RSRC1: variants seen among roughly 807,000 people sequenced by gnomAD.
RSRC1 encodes the protein arginine and serine rich coiled-coil 1.
RSRC1 carries 39 observed loss-of-function variants against 49.1 expected under a neutral mutation model. The ratio of observed to expected loss-of-function variants is 0.79; its 90% CI spans 0.61 to 1.04. RSRC1 has a LOEUF of 1.04. Among genes scored for constraint, RSRC1 ranks in the 50% least tolerant of loss-of-function variants. The probability of loss-of-function intolerance (pLI) is 0.00; values close to 1 mark genes in which losing one functional copy is unlikely to be tolerated. For missense variants in RSRC1, 388 were observed against 402.4 expected, an observed-to-expected ratio of 0.96 and a Z score of 0.31; for synonymous variants, 143 against 130.8, an observed-to-expected ratio of 1.09 and a Z score of -0.63.
At chr3:158,299,721 G>A (rs1031158446) in intron 5 of RSRC1, among the ~76,000 whole-genome samples, 3 of 151,944 alleles carry the variant, frequency 2.0e-5, no homozygotes, top group African/African-American at 7.3e-5. Context: ...AATAAAAATG[G>A]CTTTGATGTT....
chr3:158,453,383 T>C (rs1389823190), intron 6 of RSRC1, among the ~76,000 whole-genome samples: 4 of 41,184 alleles, frequency 9.7e-5, no homozygotes, highest in South Asian at 7.8e-4. Flanking sequence ...GCCCGGAACC[T>C]TTTTTTTTTT....
At chr3:158,344,505 C>T (rs1411842530) in intron 5 of RSRC1, among the ~76,000 whole-genome samples, 2 of 152,120 alleles carry the variant, frequency 1.3e-5, no homozygotes, top group East Asian at 3.9e-4. Context: ...GAATTCTATA[C>T]CTTGAGATAA....
chr3:158,297,920 T>C (rs891144857), intron 4 of RSRC1, 119 bp from the exon 5 acceptor site: 1 of 717,504 alleles, frequency 1.4e-6, no homozygotes, highest in African/African-American at 1.8e-5. Context: ...AACAGTGTTA[T>C]GAACATAAGT....
rs535489220 is a variant in RSRC1, at chr3:158,439,494, A to G, written c.584-21441A>G. On this transcript the variant is annotated intron_variant, in intron 6 of 9. Coordinates refer to ENST00000611884, the MANE Select transcript of RSRC1 (RefSeq NM_001271838.2). ...GAATACTATGCAGCCATAAAAAAGG[A>G]GGAGTTCATGTCCTTTGTAGGGACA... Among the ~76,000 whole-genome samples, 1,101 of 152,294 alleles carry G rather than the reference A, an allele frequency of 7.2e-3. 16 individuals carry two copies. Among genetic ancestry groups the G allele is most frequent in the African/African-American group, 0.026 (1,067 of 41,546 alleles).
chr3:158,195,296 C>G (rs1463852515), intron 3 of RSRC1, among the ~76,000 whole-genome samples: 2 of 150,096 alleles, frequency 1.3e-5, no homozygotes, highest in Non-Finnish European at 3.0e-5. Context: ...TAAATGTCTT[C>G]TTTTGAGAAG....
intron 5 of RSRC1, among the ~76,000 whole-genome samples, chr3:158,326,582 A>G (rs891589749): frequency 1.1e-4 from 17 of 152,168 alleles, no homozygotes; most frequent in Non-Finnish European, 2.5e-4. Context: ...GATGAAGCCA[A>G]CTAGATCATG....
chr3:158,342,106 G>C (rs1222888187), intron 5 of RSRC1, among the ~76,000 whole-genome samples: 1 of 152,218 alleles, frequency 6.6e-6, no homozygotes, highest in East Asian at 1.9e-4. Flanking sequence ...ATAGGCGGAA[G>C]GAATTTGCTT....
At chr3:158,210,501 C>T (rs1205309484) in intron 4 of RSRC1, among the ~76,000 whole-genome samples, 3 of 150,674 alleles carry the variant, frequency 2.0e-5, no homozygotes, top group African/African-American at 2.4e-5. Context: ...AGCTTCATAC[C>T]GTCAATTTTG....
At chr3:158,313,203 T>C (rs1353815471) in intron 5 of RSRC1, among the ~76,000 whole-genome samples, 1 of 152,144 alleles carries the variant, frequency 6.6e-6, no homozygotes, top group Non-Finnish European at 1.5e-5. Flanking sequence ...TACTTCTCTG[T>C]GACCATCTCC....
intron 4 of RSRC1, among the ~76,000 whole-genome samples, chr3:158,281,520 C>G (rs1726168752): frequency 6.6e-6 from 1 of 152,012 alleles, no homozygotes; most frequent in South Asian, 2.1e-4. Flanking sequence ...CCTTGGGGAG[C>G]TCTTACCTTT....
chr3:158,528,015 A>G (rs1475977942), intron 7 of RSRC1, among the ~76,000 whole-genome samples: 2 of 151,860 alleles, frequency 1.3e-5, no homozygotes. Context: ...TATTTTAGAC[A>G]CATTTGACTA....
intron 6 of RSRC1, among the ~76,000 whole-genome samples, chr3:158,447,243 T>C (rs1288720902): frequency 6.6e-6 from 1 of 151,980 alleles, no homozygotes; most frequent in East Asian, 1.9e-4. Context: ...AGCAAGCCAT[T>C]GGTCTTAGAC....
At chr3:158,297,505 C>T (rs1265474557) in intron 4 of RSRC1, among the ~76,000 whole-genome samples, 1 of 151,768 alleles carries the variant, frequency 6.6e-6, no homozygotes, top group Non-Finnish European at 1.5e-5. Flanking sequence ...AAATTAATGA[C>T]AGGAGAAAAT....
intron 6 of RSRC1, among the ~76,000 whole-genome samples, chr3:158,411,667 A>G (rs1230480400): frequency 6.6e-6 from 1 of 151,998 alleles, no homozygotes; most frequent in Non-Finnish European, 1.5e-5. Context: ...ACAGGCACAC[A>G]CTACCACACC....
At chr3:158,399,381 C>A (rs1394718575) in intron 6 of RSRC1, among the ~76,000 whole-genome samples, 1 of 37,430 alleles carries the variant, frequency 2.7e-5, no homozygotes, top group Non-Finnish European at 5.7e-5. Context: ...TGGTCTCGAT[C>A]TCCTGACCTC....
chr3:158,123,556 C>G (rs1462572250), intron 2 of RSRC1, among the ~76,000 whole-genome samples: 4 of 152,158 alleles, frequency 2.6e-5, no homozygotes, highest in Non-Finnish European at 5.9e-5. Context: ...CCTCGGCCTC[C>G]CAACATGTTG....
At chr3:158,274,857 A>G (rs1725717408) in intron 4 of RSRC1, among the ~76,000 whole-genome samples, 1 of 152,172 alleles carries the variant, frequency 6.6e-6, no homozygotes, top group South Asian at 2.1e-4. Flanking sequence ...GAAACCATGC[A>G]CTTGTATGAC....
intron 6 of RSRC1, among the ~76,000 whole-genome samples, chr3:158,439,892 C>T (rs1373323574): frequency 6.6e-6 from 1 of 151,988 alleles, no homozygotes; most frequent in Non-Finnish European, 1.5e-5. Context: ...GAGCAACTAG[C>T]TCTGTCTAGA....
intron 4 of RSRC1, among the ~76,000 whole-genome samples, chr3:158,254,037 T>TAGTTTGCTGAA (rs1724384910): frequency 6.6e-6 from 1 of 152,214 alleles, no homozygotes; most frequent in African/African-American, 2.4e-5. Context: ...GTCCTTGTGT[T>TAGTTTGCTGAA]AGTTTGCTGA....
Sources: allele counts gnomAD v4.1 joint callset (sites outside exome capture counted in the v4.1 genomes callset), GRCh38; gene constraint gnomAD v4.1.1; transcripts MANE v1.5; gene names NCBI Gene and HGNC (gene_info 2026-07-23, HGNC 2026-07-21).